NOC3L: variants seen among roughly 807,000 people sequenced by gnomAD.
The protein encoded by NOC3L is nucleolar complex protein 3 homolog.
In NOC3L, 85 loss-of-function variants were observed where a neutral mutation model predicts 102.5. That is an observed-to-expected ratio of 0.83 (90% CI 0.70 to 0.99). The LOEUF is 0.99. Among genes scored for constraint, NOC3L ranks in the 50% least tolerant of loss-of-function variants. NOC3L has a pLI of 0.00. For missense variants in NOC3L, 878 were observed against 914.9 expected (o/e 0.96, Z 0.52); for synonymous variants, 303 against 309.4 (o/e 0.98, Z 0.22).
At chr10:94,327,695 T>G in the NOC3L span, among the ~76,000 whole-genome samples, 3 of 152,242 alleles carry the variant, frequency 2.0e-5, no homozygotes, top group Admixed American at 6.5e-5. Flanking sequence ...TTCCACCTTT[T>G]CTTAAAGTTG....
At chr10:94,322,187 G>C in the NOC3L span, 1 of 887,774 alleles carries the variant, frequency 1.1e-6, no homozygotes, top group Non-Finnish European at 1.8e-6. Context: ...AGGGGAGTGT[G>C]TGCCTCTTAA....
At chr10:94,348,667 G>C (rs2054377205) in intron 10 of NOC3L, among the ~76,000 whole-genome samples, 2 of 152,120 alleles carry the variant, frequency 1.3e-5, no homozygotes, top group South Asian at 4.1e-4. Context: ...AACATTCTGA[G>C]CAGGTAGGAG....
At chr10:94,352,794 T>C (rs2054435842) in intron 7 of NOC3L, 102 bp downstream of exon 7, 3 of 992,130 alleles carry the variant, frequency 3.0e-6, no homozygotes, top group Non-Finnish European at 4.5e-6. Flanking sequence ...TGCACTCTAG[T>C]CTGGGCGACA....
the NOC3L span, among the ~76,000 whole-genome samples, chr10:94,326,806 T>A: frequency 6.6e-6 from 1 of 152,230 alleles, no homozygotes; most frequent in Non-Finnish European, 1.5e-5. Flanking sequence ...ACTTTTTTTT[T>A]CTTTTTCTAA....
chr10:94,354,680 T>G (rs1051865623), intron 6 of NOC3L, among the ~76,000 whole-genome samples: 2 of 152,180 alleles, frequency 1.3e-5, no homozygotes, highest in Non-Finnish European at 2.9e-5. Context: ...TTTTATAAAT[T>G]TAAACATTTT....
At chr10:94,360,963 T>C (rs1247758227) in intron 2 of NOC3L, among the ~76,000 whole-genome samples, 1 of 151,952 alleles carries the variant, frequency 6.6e-6, no homozygotes, top group Non-Finnish European at 1.5e-5. Context: ...AGTGGGCTAT[T>C]TTTGCACACT....
intron 4 of NOC3L, 59 bp from the exon 5 acceptor site, chr10:94,356,650 A>C (rs1163793022): frequency 2.0e-6 from 2 of 1,019,280 alleles, no homozygotes; most frequent in African/African-American, 3.2e-5. Context: ...AAAAACTGTA[A>C]AGAAATGCTA....
At chr10:94,316,328 T>C in the NOC3L span, among the ~76,000 whole-genome samples, 1 of 152,228 alleles carries the variant, frequency 6.6e-6, no homozygotes, top group Non-Finnish European at 1.5e-5. Context: ...ATAGTTATGC[T>C]GTCTGGGGAT....
At chr10:94,361,599 A>T (rs1182772689) in intron 2 of NOC3L, 66 bp downstream of exon 2, 1 of 1,498,632 alleles carries the variant, frequency 6.7e-7, no homozygotes, top group Non-Finnish European at 9.2e-7. Flanking sequence ...AAGCAAAGTT[A>T]TTTCCATGAA....
chr10:94,335,923 C>T (rs926684254), intron 19 of NOC3L, among the ~76,000 whole-genome samples: 3 of 152,102 alleles, frequency 2.0e-5, no homozygotes, highest in East Asian at 1.9e-4. Context: ...AATTCAGATA[C>T]GGAAACTTAA....
At chr10:94,350,411 T>C in intron 8 of NOC3L, 123 bp from the exon 9 acceptor site, 2 of 830,708 alleles carry the variant, frequency 2.4e-6, no homozygotes, top group South Asian at 3.3e-5. Flanking sequence ...CCCACACCCC[T>C]TAAAAAAAGA....
At position 94,334,260 on chromosome 10, in the gene NOC3L, G is replaced by T. The variant is rs777625287; in HGVS notation, c.2320C>A (p.Gln774Lys). 7 of 1,610,006 alleles carry T rather than the reference G, an allele frequency of 4.3e-6. No individual in the cohort carries two copies. The highest frequency in any genetic ancestry group is 5.9e-6 in the Non-Finnish European group (7 of 1,177,890). Residue 774 changes from glutamine to lysine, a missense_variant, in exon 21 of 21, where the codon CAG (glutamine) becomes AAG (lysine). Coordinates refer to ENST00000371361, the MANE Select transcript of NOC3L (RefSeq NM_022451.11). ...GDSFLNEDLN[Q>K]LIKRYSSEVA... ...TCACTGGAGTATCTTTTGATTAGCT[G>T]ATTTAAATCTTCATTCAAAAATGAA...
chr10:94,351,097 A>G (rs1338762503), intron 8 of NOC3L, among the ~76,000 whole-genome samples: 1 of 152,172 alleles, frequency 6.6e-6, no homozygotes, highest in Non-Finnish European at 1.5e-5. Context: ...ATGGTTGCAC[A>G]AAGATCCCAG....
chr10:94,327,663 A>T, the NOC3L span, among the ~76,000 whole-genome samples: 2 of 152,214 alleles, frequency 1.3e-5, no homozygotes, highest in Non-Finnish European at 2.9e-5. Context: ...CATCTATCTG[A>T]AGTAGTAGTT....
At chr10:94,329,260 ATTC>A (rs997846338), downstream of NOC3L, 1 of 152,312 alleles carries the variant, frequency 6.6e-6, no homozygotes, top group East Asian at 1.9e-4. Context: ...GATTCTTCAT[ATTC>A]TTAGTATGAA....
the NOC3L span, among the ~76,000 whole-genome samples, chr10:94,319,818 G>T: frequency 6.7e-6 from 1 of 150,110 alleles, no homozygotes; most frequent in Non-Finnish European, 1.5e-5. Context: ...AACTAATGTG[G>T]CTAGAAATAC....
chr10:94,325,038 G>A, the NOC3L span: 9 of 1,614,062 alleles, frequency 5.6e-6, no homozygotes, highest in Non-Finnish European at 5.1e-6. Flanking sequence ...AGAAACCTGT[G>A]GGTGGCTTGT....
At chr10:94,322,131 G>C in the NOC3L span, 7 of 1,390,816 alleles carry the variant, frequency 5.0e-6, no homozygotes, top group South Asian at 5.8e-5. Flanking sequence ...TCTGTGCACT[G>C]ATGGCTCATT....
intron 6 of NOC3L, 30 bp from the exon 7 acceptor site, chr10:94,353,087 G>T (rs751816229): frequency 1.9e-6 from 3 of 1,553,744 alleles, no homozygotes; most frequent in Non-Finnish European, 1.7e-6. Flanking sequence ...TAAAGCTGGA[G>T]AAATCATGAC....
Sources: allele counts gnomAD v4.1 joint callset (sites outside exome capture counted in the v4.1 genomes callset), GRCh38; gene constraint gnomAD v4.1.1; transcripts MANE v1.5; gene names NCBI Gene and HGNC (gene_info 2026-07-23, HGNC 2026-07-21).